CPXM2: variants seen among roughly 807,000 people sequenced by gnomAD.
CPXM2 encodes the protein carboxypeptidase X, M14 family member 2.
CPXM2 carries 66 observed loss-of-function variants against 86.1 expected under a neutral mutation model. The ratio of observed to expected loss-of-function variants is 0.77; its 90% CI spans 0.63 to 0.94. The LOEUF is 0.94. CPXM2 is among the 40% of genes least tolerant of loss of function. CPXM2 has a pLI of 0.00. For missense variants in CPXM2, 948 were observed against 1,026.3 expected (o/e 0.92, Z 1.04); for synonymous variants, 388 against 400.2 (o/e 0.97, Z 0.36).
In CPXM2 at chr10:123,757,217, T is replaced by G; in HGVS notation, c.1913A>C (p.Glu638Ala). The G allele has an allele frequency of 6.2e-7, 1 of 1,613,962 alleles. No homozygotes were observed. Among genetic ancestry groups the G allele is most frequent in the Non-Finnish European group, 8.5e-7 (1 of 1,179,936 alleles). Reference sequence around the variant, plus strand: ...AGCCACACACCCGCAATATACCTGCTCCATGAACACGATCAGAGATTCCCG... The same window carrying G: ...AGCCACACACCCGCAATATACCTGCGCCATGAACACGATCAGAGATTCCCG... ...NNRESLIVFM[E>A]QVHRGIKGLV... is the part of the protein sequence containing the mutation. Residue 638 changes from glutamate to alanine, a missense_variant, in exon 12 of 14, where the codon GAG becomes GCG. By Grantham distance (107) the Glu-to-Ala change is moderately radical. Transcript: ENST00000241305.
At chr10:123,799,260 G>C in intron 4 of CPXM2, 61 bp from the exon 5 acceptor site, 1 of 1,603,104 alleles carries the variant, frequency 6.2e-7, no homozygotes, top group Non-Finnish European at 8.5e-7. Flanking sequence ...CTTCCATGAA[G>C]AGGTTTAGAA....
chr10:123,809,450 T>C (rs1198588183), intron 4 of CPXM2, among the ~76,000 whole-genome samples: 2 of 152,168 alleles, frequency 1.3e-5, no homozygotes, highest in South Asian at 2.1e-4. Context: ...TAGTGCATGA[T>C]AAGTACTTAG....
chr10:123,835,895 A>G (rs979915814), intron 4 of CPXM2, among the ~76,000 whole-genome samples: 1 of 152,174 alleles, frequency 6.6e-6, no homozygotes, highest in Admixed American at 6.5e-5. Context: ...AGTGGAAGAG[A>G]AAGGGTGGAC....
intron 1 of CPXM2, among the ~76,000 whole-genome samples, chr10:123,882,772 G>C (rs34667222): frequency 6.8e-6 from 1 of 147,272 alleles, no homozygotes. Flanking sequence ...CAATGACATG[G>C]CCTAGGCAAC....
At chr10:123,770,787 T>G (rs2134007660) in intron 8 of CPXM2, 129 bp downstream of exon 8, 338 of 959,344 alleles carry the variant, frequency 3.5e-4, no homozygotes, top group Non-Finnish European at 4.8e-4. Flanking sequence ...TCTGTCTACG[T>G]GAGACAGCAG....
intron 4 of CPXM2, among the ~76,000 whole-genome samples, chr10:123,808,780 A>C (rs1047983090): frequency 6.6e-6 from 1 of 152,204 alleles, no homozygotes; most frequent in Non-Finnish European, 1.5e-5. Flanking sequence ...AAAAAGCAAC[A>C]AACCTAGGTC....
chr10:123,865,997 C>T lies in CPXM2; in HGVS notation c.404-3274G>A, dbSNP rs1168854041. Among the ~76,000 whole-genome samples the T allele has an allele frequency of 1.3e-5, 2 of 152,128 alleles. No individual in the cohort carries two copies. The highest frequency in any genetic ancestry group is 2.4e-5 in the African/African-American group (1 of 41,434). On this transcript the variant is annotated intron_variant, in intron 2 of 13. Coordinates refer to ENST00000241305, the MANE Select transcript of CPXM2 (RefSeq NM_198148.3). This position sits in a 1 kb window ranked among gnomAD's most constrained non-coding sequence, Gnocchi z 4.7. The stretch of plus-strand genomic sequence containing the variant: ...TTCTCCCTCTCAGCCACTCCTCCAC[C>T]CCCACACCACACACAGCCCTGGTTT...
At chr10:123,868,877 G>A (rs192615553) in intron 2 of CPXM2, among the ~76,000 whole-genome samples, 2 of 152,252 alleles carry the variant, frequency 1.3e-5, no homozygotes, top group Admixed American at 6.5e-5. Flanking sequence ...CAAAAGCATG[G>A]CAAAGTTAGA....
At position 123,754,749 on chromosome 10, in the gene CPXM2, A is replaced by G; in HGVS notation, c.1931T>C (p.Ile644Thr). 1 of 1,603,352 alleles carries G rather than the reference A, an allele frequency of 6.2e-7. No homozygotes were observed. Among genetic ancestry groups the G allele is most frequent in the Non-Finnish European group, 8.5e-7 (1 of 1,170,094 alleles). ...IVFMEQVHRG[I>T]KGLVRDSHGK... ...ATGTGAATCTCTCACCAAGCCTTTA[A>G]TGCCACGATGAACCTGCTCAGCAAA... The change falls in exon 13 of 14, where the codon ATT (isoleucine) becomes ACT (threonine). Residue 644 changes from isoleucine to threonine, a missense_variant. By Grantham distance (89) the Ile-to-Thr change is moderately conservative. Transcript: ENST00000241305. The surrounding 1 kb of genome is among the most constrained non-coding windows in gnomAD (Gnocchi z 4.0).
At chr10:123,849,437 C>CTTTTTT (rs11317738) in intron 3 of CPXM2, among the ~76,000 whole-genome samples, 4 of 110,166 alleles carry the variant, frequency 3.6e-5, no homozygotes, top group Admixed American at 1.0e-4. Context: ...AACGTTCACT[C>CTTTTTT]TTTTTTTTTT....
chr10:123,749,185 C>A (rs1166533133), intron 13 of CPXM2, among the ~76,000 whole-genome samples: 15 of 151,938 alleles, frequency 9.9e-5, no homozygotes, highest in Admixed American at 4.6e-4. Context: ...CCACCAACAG[C>A]TATTGTGGGG....
intron 2 of CPXM2, among the ~76,000 whole-genome samples, chr10:123,916,800 CAG>C (rs1945536826): frequency 1.3e-5 from 2 of 150,688 alleles, no homozygotes; most frequent in East Asian, 1.9e-4. Flanking sequence ...TCTTTTGAAA[CAG>C]AGTCTTGCTC....
chr10:123,763,946 T>C (rs7085505), intron 10 of CPXM2, among the ~76,000 whole-genome samples: 136,307 of 152,230 alleles, frequency 0.9, 61,446 homozygotes, highest in Non-Finnish European at 0.95. Context: ...ACCCGCAATG[T>C]ATAAGAAATC....
intron 6 of CPXM2, among the ~76,000 whole-genome samples, chr10:123,784,185 C>T (rs563281067): frequency 6.6e-6 from 1 of 152,228 alleles, no homozygotes; most frequent in African/African-American, 2.4e-5. Flanking sequence ...TGGACACACA[C>T]AGGGGGAACA....
chr10:123,877,409 A>G (rs1460350584), intron 2 of CPXM2, among the ~76,000 whole-genome samples: 1 of 152,208 alleles, frequency 6.6e-6, no homozygotes, highest in African/African-American at 2.4e-5. Flanking sequence ...ATTTACTTTC[A>G]GGTGTCTGTA....
chr10:123,880,424 T>C, intron 1 of CPXM2, 115 bp from the exon 2 acceptor site: 1 of 649,924 alleles, frequency 1.5e-6, no homozygotes, highest in Non-Finnish European at 2.8e-6. Flanking sequence ...TGCTCCCCTG[T>C]CCCTAAAGAT....
chr10:123,844,050 T>G (rs1442884832), intron 3 of CPXM2, among the ~76,000 whole-genome samples: 1 of 152,146 alleles, frequency 6.6e-6, no homozygotes, highest in Non-Finnish European at 1.5e-5. Flanking sequence ...TGGAGAGCTC[T>G]TCCCAAAGAT....
chr10:123,942,128 C>T (rs1191624171), upstream of CPXM2, among the ~76,000 whole-genome samples: 1 of 152,162 alleles, frequency 6.6e-6, no homozygotes, highest in Non-Finnish European at 1.5e-5. Context: ...CACAGAAGTG[C>T]AGATGGATTT....
intron 4 of CPXM2, among the ~76,000 whole-genome samples, chr10:123,836,284 T>C (rs575691395): frequency 5.9e-4 from 90 of 152,158 alleles, no homozygotes; most frequent in African/African-American, 2.0e-3. Flanking sequence ...ATAGGGCCAC[T>C]GTCTTCCCCT....
Sources: allele counts gnomAD v4.1 joint callset (sites outside exome capture counted in the v4.1 genomes callset), GRCh38; gene constraint gnomAD v4.1.1; non-coding constraint Gnocchi (gnomAD v3.1); transcripts MANE v1.5; gene names NCBI Gene and HGNC (gene_info 2026-07-23, HGNC 2026-07-21).